Variants in OSBPL9 observed in about 807,000 individuals in gnomAD.
The protein encoded by OSBPL9 is oxysterol-binding protein-related protein 9.
A neutral mutation model predicts 106.6 loss-of-function variants in OSBPL9; 40 were observed. The observed-to-expected ratio is 0.38, with a 90% CI of 0.29 to 0.49. The LOEUF is 0.49. OSBPL9 is among the 20% of genes least tolerant of loss of function. The pLI is 0.97. For missense variants in OSBPL9, 609 were observed against 887.2 expected (o/e 0.69, Z 3.98); for synonymous variants, 269 against 295.4 (o/e 0.91, Z 0.92).
At chr1:51,606,644 A>G (rs1485609810) in intron 2 of OSBPL9, among the ~76,000 whole-genome samples, 1 of 152,262 alleles carries the variant, frequency 6.6e-6, no homozygotes, top group Non-Finnish European at 1.5e-5. Context: ...ATGCCTGGCA[A>G]ATTCAGAGCT....
At chr1:51,738,922 C>G (rs1391536873) in intron 4 of OSBPL9, among the ~76,000 whole-genome samples, 1 of 151,976 alleles carries the variant, frequency 6.6e-6, no homozygotes, top group Non-Finnish European at 1.5e-5. Context: ...AGTAGAACAC[C>G]TACCACTGTG....
chr1:51,653,324 A>C (rs1646633879), intron 2 of OSBPL9, among the ~76,000 whole-genome samples: 3 of 152,064 alleles, frequency 2.0e-5, no homozygotes, highest in African/African-American at 7.2e-5. Context: ...GGCTTGAGAT[A>C]AGTTCAGTAG....
At chr1:51,664,238 A>G (rs1647865040) in intron 2 of OSBPL9, among the ~76,000 whole-genome samples, 1 of 152,228 alleles carries the variant, frequency 6.6e-6, no homozygotes, top group South Asian at 2.1e-4. Flanking sequence ...TGCACAATGG[A>G]ATTGATAATT....
intron 4 of OSBPL9, among the ~76,000 whole-genome samples, chr1:51,726,552 T>C (rs1663159698): frequency 6.6e-6 from 1 of 152,202 alleles, no homozygotes; most frequent in East Asian, 1.9e-4. Flanking sequence ...GAATTCTGTA[T>C]AATTAAAATT....
intron 2 of OSBPL9, among the ~76,000 whole-genome samples, chr1:51,662,929 A>T (rs763682641): frequency 3.3e-5 from 5 of 152,060 alleles, no homozygotes; most frequent in African/African-American, 1.2e-4. Flanking sequence ...TATTTTTAGT[A>T]GAGATGGGGT....
At chr1:51,689,687 ACT>A (rs1293146891) in intron 3 of OSBPL9, among the ~76,000 whole-genome samples, 1 of 152,092 alleles carries the variant, frequency 6.6e-6, no homozygotes, top group Non-Finnish European at 1.5e-5. Flanking sequence ...TGAGTCTGAG[ACT>A]CTTCCAGCCC....
chr1:51,734,103 G>A (rs1470459649), intron 4 of OSBPL9, among the ~76,000 whole-genome samples: 1 of 152,188 alleles, frequency 6.6e-6, no homozygotes, highest in East Asian at 1.9e-4. Context: ...AAATATATGT[G>A]TCATGAATGA....
chr1:51,623,720 AT>A (rs1354980656), intron 1 of OSBPL9, among the ~76,000 whole-genome samples: 2 of 152,072 alleles, frequency 1.3e-5, no homozygotes, highest in Non-Finnish European at 2.9e-5. Flanking sequence ...TGATAAAAAA[AT>A]CTACCATCTA....
At chr1:51,736,480 G>T (rs951544782) in intron 4 of OSBPL9, among the ~76,000 whole-genome samples, 3 of 150,914 alleles carry the variant, frequency 2.0e-5, no homozygotes, top group African/African-American at 7.3e-5. Context: ...TTGTCAATTT[G>T]TTATATTCTG....
intron 1 of OSBPL9, among the ~76,000 whole-genome samples, chr1:51,619,636 C>T (rs1644306345): frequency 1.3e-5 from 2 of 151,876 alleles, no homozygotes; most frequent in African/African-American, 4.8e-5. Flanking sequence ...ATTGTTGTAC[C>T]ATCTTGTGAA....
intron 3 of OSBPL9, among the ~76,000 whole-genome samples, chr1:51,679,688 G>A (rs2148794823): frequency 6.6e-6 from 1 of 152,318 alleles, no homozygotes; most frequent in South Asian, 2.1e-4. Flanking sequence ...CTATGGTGAT[G>A]ATGGTACCTG....
At chr1:51,522,892 C>T in the OSBPL9 span, among the ~76,000 whole-genome samples, 768 of 152,236 alleles carry the variant, frequency 5.0e-3, 3 homozygotes, top group African/African-American at 0.018. Context: ...TCAAGATCAC[C>T]ATTTAACTCT....
chr1:51,771,157 AAAG>A (rs1242586893), intron 12 of OSBPL9, among the ~76,000 whole-genome samples: 12 of 152,240 alleles, frequency 7.9e-5, no homozygotes, highest in African/African-American at 2.9e-4. Context: ...AAAAAAATTA[AAAG>A]AAGTTAAGTA....
At chr1:51,719,342 C>T (rs1288495226) in intron 4 of OSBPL9, among the ~76,000 whole-genome samples, 1 of 152,098 alleles carries the variant, frequency 6.6e-6, no homozygotes, top group Non-Finnish European at 1.5e-5. Flanking sequence ...GAAGGGGAGA[C>T]CAGAGGGCGT....
At chr1:51,563,457 G>A in the OSBPL9 span, among the ~76,000 whole-genome samples, 37 of 152,156 alleles carry the variant, frequency 2.4e-4, no homozygotes, top group Non-Finnish European at 3.8e-4. Context: ...CCCGTCCAAC[G>A]TAGGCATAGC....
At chr1:51,596,103 C>G (rs1480137695) in intron 1 of OSBPL9, among the ~76,000 whole-genome samples, 1 of 150,696 alleles carries the variant, frequency 6.6e-6, no homozygotes, top group Non-Finnish European at 1.5e-5. Context: ...CTAAGAAATA[C>G]AAAAATTAGC....
chr1:51,613,731 C>T (rs1407130490), upstream of OSBPL9, among the ~76,000 whole-genome samples: 2 of 150,884 alleles, frequency 1.3e-5, no homozygotes, highest in African/African-American at 4.9e-5. Flanking sequence ...CTTGCCTTTT[C>T]TTTCTTTTCT....
At chr1:51,712,218 C>G (rs1220644091) in intron 3 of OSBPL9, among the ~76,000 whole-genome samples, 1 of 152,208 alleles carries the variant, frequency 6.6e-6, no homozygotes, top group Non-Finnish European at 1.5e-5. Flanking sequence ...GGAGACCGGC[C>G]CGGCCAACAC....
upstream of OSBPL9, among the ~76,000 whole-genome samples, chr1:51,572,552 C>T (rs1002305862): frequency 1.3e-5 from 2 of 152,088 alleles, no homozygotes; most frequent in South Asian, 2.1e-4. Context: ...TCAAGTGCAG[C>T]GTGCTATTTT....
Sources: allele counts gnomAD v4.1 joint callset (sites outside exome capture counted in the v4.1 genomes callset), GRCh38; gene constraint gnomAD v4.1.1; transcripts MANE v1.5; gene names NCBI Gene and HGNC (gene_info 2026-07-23, HGNC 2026-07-21).